DLG2: variants seen among roughly 807,000 people sequenced by gnomAD.
The protein encoded by DLG2 is disks large homolog 2.
Under a neutral mutation model 132.5 loss-of-function variants are expected in DLG2, and 45 were observed. The observed-to-expected ratio is 0.34, with a 90% CI of 0.27 to 0.44. The LOEUF (loss-of-function observed/expected upper bound fraction) is 0.44, where lower values mean the gene tolerates loss of function less well. Ranked by LOEUF, DLG2 falls within the 20% of genes least tolerant of loss-of-function variation. The pLI, the probability that DLG2 is intolerant of heterozygous loss-of-function variation, is 1.00. For missense variants in DLG2, 1,045 were observed against 1,196.9 expected (o/e 0.87, Z 1.87); for synonymous variants, 424 against 419.6 (o/e 1.01, Z -0.13).
At chr11:84,227,706 G>A (rs1279603473) in intron 8 of DLG2, among the ~76,000 whole-genome samples, 3 of 152,056 alleles carry the variant, frequency 2.0e-5, no homozygotes, top group Non-Finnish European at 4.4e-5. Flanking sequence ...CGGATCACAA[G>A]GTCAGGAGAC....
intron 19 of DLG2, among the ~76,000 whole-genome samples, chr11:83,572,796 A>G (rs926998759): frequency 5.3e-5 from 8 of 152,142 alleles, no homozygotes; most frequent in Non-Finnish European, 7.4e-5. Context: ...GTTATACAAG[A>G]GTCCTTTCTT....
At chr11:84,768,512 T>C (rs1400023194) in intron 6 of DLG2, among the ~76,000 whole-genome samples, 3 of 152,330 alleles carry the variant, frequency 2.0e-5, no homozygotes, top group East Asian at 1.9e-4. Flanking sequence ...CTGACTTGCC[T>C]ACAGGAGTGT....
chr11:85,033,818 T>A (rs1249591907), intron 6 of DLG2, among the ~76,000 whole-genome samples: 37 of 152,252 alleles, frequency 2.4e-4, no homozygotes, highest in Admixed American at 2.4e-3. Flanking sequence ...GATTATCTGA[T>A]ATTCAGATGA....
rs183547026 is a variant in DLG2 at position 83,863,154 on chromosome 11, T to G, written c.1565+11266A>C. Among the ~76,000 whole-genome samples the G allele has an allele frequency of 3.9e-5, 6 of 152,308 alleles. No individual in the cohort carries two copies. In the East Asian group the frequency reaches 1.2e-3, roughly 29 times the overall value. On this transcript the variant is annotated intron_variant, in intron 16 of 27. Coordinates refer to ENST00000376104, the MANE Select transcript of DLG2 (RefSeq NM_001142699.3). The stretch of plus-strand genomic sequence containing the variant: ...ACCCCAGATATCTGGAAGGAACCTA[T>G]GTGTGTTCACATATTTGAGCTAGCA...
intron 6 of DLG2, chr11:85,020,869 GGTCCCCC>G: frequency 1.3e-6 from 1 of 762,470 alleles, no homozygotes; most frequent in Non-Finnish European, 2.4e-6. Context: ...TCATCCAGTA[GGTCCCCC>G]TCCTCAGCAG....
chr11:84,339,096 T>G (rs957169098), intron 7 of DLG2, among the ~76,000 whole-genome samples: 2 of 152,190 alleles, frequency 1.3e-5, no homozygotes, highest in African/African-American at 4.8e-5. Context: ...ATAAAGGGTT[T>G]TAGCGTTTCT....
chr11:84,605,058 T>C (rs2099582991), intron 6 of DLG2, among the ~76,000 whole-genome samples: 1 of 151,948 alleles, frequency 6.6e-6, no homozygotes, highest in Non-Finnish European at 1.5e-5. Context: ...TTTTAACATA[T>C]GATAAATATT....
intron 6 of DLG2, among the ~76,000 whole-genome samples, chr11:85,090,998 G>A (rs2068677394): frequency 6.6e-6 from 1 of 152,162 alleles, no homozygotes; most frequent in East Asian, 1.9e-4. Flanking sequence ...GTGGTGCCAT[G>A]TTCTCTTTAA....
chr11:85,554,860 C>A (rs572051872), intron 3 of DLG2, among the ~76,000 whole-genome samples: 1 of 151,786 alleles, frequency 6.6e-6, no homozygotes, highest in South Asian at 2.1e-4. Flanking sequence ...ACTGACTCTA[C>A]CTGGACCTGT....
chr11:83,689,242 G>C (rs1156484802), intron 18 of DLG2, among the ~76,000 whole-genome samples: 2 of 152,104 alleles, frequency 1.3e-5, no homozygotes, highest in Non-Finnish European at 2.9e-5. Context: ...ATGAGTAGGA[G>C]ATATTGAGAT....
intron 3 of DLG2, among the ~76,000 whole-genome samples, chr11:85,308,799 G>A (rs1168959516): frequency 6.6e-6 from 1 of 152,026 alleles, no homozygotes; most frequent in African/African-American, 2.4e-5. Context: ...ATGTTAGCTA[G>A]CATTTATTTA....
chr11:85,332,643 G>C (rs763024401), intron 3 of DLG2, among the ~76,000 whole-genome samples: 3 of 152,156 alleles, frequency 2.0e-5, no homozygotes, highest in Admixed American at 2.0e-4. Flanking sequence ...TATGGTGAAA[G>C]GAAGGGGTCC....
chr11:85,488,042 T>C (rs1426741269), intron 3 of DLG2, among the ~76,000 whole-genome samples: 1 of 152,178 alleles, frequency 6.6e-6, no homozygotes, highest in Non-Finnish European at 1.5e-5. Context: ...GATGGTTTTA[T>C]TAGGGATTTT....
intron 8 of DLG2, among the ~76,000 whole-genome samples, chr11:84,177,591 T>C (rs2154276724): frequency 6.6e-6 from 1 of 152,194 alleles, no homozygotes; most frequent in Admixed American, 6.6e-5. Flanking sequence ...TTCAATAAGG[T>C]TGTTAGGGAT....
Position 83,607,792 on chromosome 11 carries a change from A to C in DLG2, c.1940+25419T>G, listed in dbSNP as rs546966740. ...AATAATACATAAAGTAATAAAAAGC[A>C]GCAGACTACTCAAATACAAAACAAT... On this transcript the variant is annotated intron_variant, in intron 19 of 27. Coordinates refer to ENST00000376104, the MANE Select transcript of DLG2 (RefSeq NM_001142699.3). Among the ~76,000 whole-genome samples the C allele has an allele frequency of 3.9e-5, 6 of 152,378 alleles. No individual in the cohort carries two copies. The South Asian group carries it at 1.0e-3, about 26-fold the overall frequency.
chr11:84,914,770 G>A (rs776414784), intron 6 of DLG2, among the ~76,000 whole-genome samples: 15 of 152,150 alleles, frequency 9.9e-5, no homozygotes, highest in Admixed American at 2.0e-4. Flanking sequence ...TGTGAGGCCC[G>A]GAACAAGGCT....
intron 3 of DLG2, among the ~76,000 whole-genome samples, chr11:85,378,684 A>G (rs2085629992): frequency 6.6e-6 from 1 of 152,188 alleles, no homozygotes; most frequent in Non-Finnish European, 1.5e-5. Flanking sequence ...CTTAGGAAAT[A>G]AAATAGACAA....
At position 83,466,821 on chromosome 11, in the gene DLG2, G is replaced by A. The variant is rs553141553; in HGVS notation, c.2620-4C>T. 1 of 1,599,384 alleles carries A rather than the reference G, an allele frequency of 6.3e-7. No individual in the cohort carries two copies. The stretch of plus-strand genomic sequence containing the variant: ...CATCAAGTATACAGTGTTTGCCCTG[G>A]TAGAAAGAGAAGAAAAATATGAAGT... On this transcript the variant is annotated splice_region_variant and splice_polypyrimidine_tract_variant and intron_variant, in intron 25 of 27. Coordinates refer to ENST00000376104, the MANE Select transcript of DLG2 (RefSeq NM_001142699.3).
At chr11:84,839,175 C>T (rs1425413241) in intron 6 of DLG2, among the ~76,000 whole-genome samples, 2 of 152,008 alleles carry the variant, frequency 1.3e-5, no homozygotes, top group Admixed American at 6.6e-5. Flanking sequence ...GTGCAAAAAT[C>T]GCAAGCATTC....
Sources: allele counts gnomAD v4.1 joint callset (sites outside exome capture counted in the v4.1 genomes callset), GRCh38; gene constraint gnomAD v4.1.1; transcripts MANE v1.5; gene names NCBI Gene and HGNC (gene_info 2026-07-23, HGNC 2026-07-21).